IRAG2: variants seen among roughly 807,000 people sequenced by gnomAD.
The protein encoded by IRAG2 is lymphoid restricted membrane protein.
A neutral mutation model predicts 69.9 loss-of-function variants in IRAG2; 45 were observed. The observed-to-expected ratio is 0.64, with a 90% CI of 0.51 to 0.83. The LOEUF (loss-of-function observed/expected upper bound fraction) is 0.83. IRAG2 is among the 40% of genes least tolerant of loss of function. IRAG2 has a pLI of 0.00. For synonymous variants in IRAG2, 193 were observed against 202.4 expected, an observed-to-expected ratio of 0.95 and a Z score of 0.40; for missense variants, 520 against 587.0, an observed-to-expected ratio of 0.89 and a Z score of 1.18.
chr12:25,057,119 G>T (rs1054168918), intron 1 of IRAG2, among the ~76,000 whole-genome samples: 1 of 152,178 alleles, frequency 6.6e-6, no homozygotes. Flanking sequence ...ATCCTGTGAG[G>T]CATTTAAAGT....
At position 25,062,812 on chromosome 12, in the gene IRAG2, CTT is replaced by C; in HGVS notation, c.-384-7_-384-6del. 2.5e-6 allele frequency: 1 copy of C among 398,972 alleles called. No individual in the cohort carries two copies. The highest frequency in any genetic ancestry group is 4.4e-6 in the Non-Finnish European group (1 of 226,020). The allele number at this position is 398,972 out of a possible 1,614,324, so 24.7% of individuals were successfully genotyped here. A position where few individuals can be genotyped will look rare whatever the true frequency, so the allele number is the denominator to read the frequency against. On this transcript the variant is annotated splice_region_variant and splice_polypyrimidine_tract_variant and intron_variant, in intron 2 of 21. Coordinates refer to ENST00000556887, the MANE Select transcript of IRAG2 (RefSeq NM_001366544.2). ...CTTTGAATACACTCTACCATTTTCT[CTT>C]GACAGAGCTTTTTAGATGAGGAATT...
At chr12:25,015,088 GAA>G in intron 3 of IRAG2, 21 of 50,890 alleles carry the variant, frequency 4.1e-4, no homozygotes, top group Middle Eastern at 0.015. Flanking sequence ...GCATAAATCT[GAA>G]AAAAAAAAAA....
intron 6 of IRAG2, chr12:25,020,665 C>T (rs778392091): frequency 1.7e-5 from 7 of 402,218 alleles, no homozygotes; most frequent in East Asian, 3.6e-5. Context: ...TTTTACTATG[C>T]GGGCATCTGG....
At chr12:25,012,380 C>G (rs1230190005) in intron 3 of IRAG2, among the ~76,000 whole-genome samples, 4 of 151,220 alleles carry the variant, frequency 2.6e-5, no homozygotes, top group African/African-American at 4.9e-5. Context: ...GTCTCGAACT[C>G]CTGATCTCAG....
intron 14 of IRAG2, 33 bp from the exon 15 acceptor site, chr12:25,096,877 T>C: frequency 1.3e-6 from 2 of 1,576,734 alleles, no homozygotes; most frequent in Non-Finnish European, 1.7e-6. Flanking sequence ...ATGCTTGTGT[T>C]AGATATCTTT....
intron 4 of IRAG2, among the ~76,000 whole-genome samples, chr12:25,064,981 T>A (rs113108618): frequency 3.3e-5 from 5 of 152,048 alleles, no homozygotes; most frequent in African/African-American, 1.2e-4. Context: ...TCCCAGCTAC[T>A]CAGGAGGCTG....
upstream of IRAG2, among the ~76,000 whole-genome samples, chr12:25,049,982 CAAAAAAAAAA>C (rs56185966): frequency 0.44 from 31,360 of 71,578 alleles, 4,944 homozygotes; most frequent in South Asian, 0.61. Flanking sequence ...AACTGTGTCT[CAAAAAAAAAA>C]AAAAAAAAAA....
At chr12:25,053,511 G>A (rs1255969050) in intron 1 of IRAG2, among the ~76,000 whole-genome samples, 2 of 151,628 alleles carry the variant, frequency 1.3e-5, no homozygotes, top group African/African-American at 2.4e-5. Flanking sequence ...TTTAAAAATT[G>A]GAATATTTGT....
intron 14 of IRAG2, among the ~76,000 whole-genome samples, chr12:25,096,700 G>T (rs902849052): frequency 2.0e-5 from 3 of 152,138 alleles, no homozygotes; most frequent in African/African-American, 7.2e-5. Context: ...AGACATAAAA[G>T]ATTTGTGATC....
chr12:25,037,404 T>C (rs1020074517), intron 15 of IRAG2, among the ~76,000 whole-genome samples: 2 of 152,130 alleles, frequency 1.3e-5, no homozygotes, highest in Admixed American at 6.5e-5. Context: ...GTCCAAGTGA[T>C]TCTCCTGCCT....
chr12:25,053,220 A>T (rs1944967931), intron 1 of IRAG2, among the ~76,000 whole-genome samples: 1 of 151,538 alleles, frequency 6.6e-6, no homozygotes, highest in African/African-American at 2.4e-5. Context: ...TTTAAAATTA[A>T]TTAAAACTTC....
intron 10 of IRAG2, among the ~76,000 whole-genome samples, chr12:25,086,087 A>C (rs192135315): frequency 2.6e-4 from 40 of 152,354 alleles, no homozygotes; most frequent in Non-Finnish European, 4.4e-4. Context: ...CTCATCTCAA[A>C]AAAAATATAG....
chr12:25,089,742 G>GT (rs1488567343), intron 12 of IRAG2, 21 bp from the exon 13 acceptor site: 12 of 1,613,216 alleles, frequency 7.4e-6, no homozygotes, highest in South Asian at 1.1e-5. Context: ...GTTTAAATAT[G>GT]TTTTTTGTCT....
rs1565562641 is a variant in IRAG2 at position 25,077,253 on chromosome 12, G to GAAATATATATGAA, written c.25-1990_25-1989insAATATATATGAAA. On this transcript the variant is annotated intron_variant, in intron 6 of 21. Coordinates refer to ENST00000556887, the MANE Select transcript of IRAG2 (RefSeq NM_001366544.2). ...TGATATATATATGAAATATATATATGATATATATATGAAATATATATGAAA... is the reference window on the plus strand; with the variant it reads ...TGATATATATATGAAATATATATATGAAATATATATGAAATATATATATGAAATATATATGAAA... Among the ~76,000 whole-genome samples the GAAATATATATGAA allele has an allele frequency of 2.8e-3, 64 of 22,912 alleles. 4 individuals carry two copies. The highest frequency in any genetic ancestry group is 8.4e-3 in the South Asian group (7 of 834). The allele number at this position is 22,912 out of a possible 152,430, so 15.0% of individuals were successfully genotyped here.
At position 25,081,912 on chromosome 12, in the gene IRAG2, A is replaced by G. The variant is rs367558408; in HGVS notation, c.245-1511A>G. Among the ~76,000 whole-genome samples, 11 of 152,152 alleles carry G rather than the reference A, an allele frequency of 7.2e-5. No individual in the cohort carries two copies. The East Asian group carries it at 1.9e-3, about 27-fold the overall frequency. On this transcript the variant is annotated intron_variant, in intron 9 of 21. Coordinates refer to ENST00000556887, the MANE Select transcript of IRAG2 (RefSeq NM_001366544.2). ...CAGAAAAAGTTGGTTTTTGGTGCAC[A>G]TGGGGACGGTCTTACTCTGTTGCCC... is the stretch of plus-strand genomic sequence containing the variant.
chr12:25,088,065 A>G (rs749229663), intron 10 of IRAG2, 35 bp from the exon 11 acceptor site: 11 of 1,472,986 alleles, frequency 7.5e-6, no homozygotes, highest in East Asian at 4.5e-5. Context: ...AAGTATTTCC[A>G]CTCTATGTAC....
chr12:25,008,913 G>C (rs1944452873), intron 2 of IRAG2, among the ~76,000 whole-genome samples: 1 of 152,102 alleles, frequency 6.6e-6, no homozygotes, highest in Admixed American at 6.5e-5. Context: ...TTGAGTACCT[G>C]TCTGCATCAA....
intron 5 of IRAG2, among the ~76,000 whole-genome samples, chr12:25,016,001 G>C (rs1212350427): frequency 6.6e-6 from 1 of 152,188 alleles, no homozygotes; most frequent in East Asian, 1.9e-4. Flanking sequence ...TTTGAGACCA[G>C]CCTGGCCCAC....
At chr12:25,023,924 A>G in intron 8 of IRAG2, 4 of 1,225,424 alleles carry the variant, frequency 3.3e-6, no homozygotes, top group Non-Finnish European at 3.1e-6. Context: ...AGGAAGAGGT[A>G]TGTCAGAATC....
Sources: allele counts gnomAD v4.1 joint callset (sites outside exome capture counted in the v4.1 genomes callset), GRCh38; gene constraint gnomAD v4.1.1; transcripts MANE v1.5; gene names NCBI Gene and HGNC (gene_info 2026-07-23, HGNC 2026-07-21).